ARSB: variants seen among roughly 807,000 people sequenced by gnomAD.
ARSB encodes N-acetylgalactosamine-4-sulfatase.
Under a neutral mutation model 50.9 loss-of-function variants are expected in ARSB, and 41 were observed. The observed-to-expected ratio is 0.81, with a 90% CI of 0.63 to 1.04. The LOEUF is 1.04. Among genes scored for constraint, ARSB ranks in the 50% least tolerant of loss-of-function variants. The pLI is 0.00. For synonymous variants in ARSB, 269 were observed against 284.8 expected (o/e 0.94, Z 0.56); for missense variants, 672 against 693.3 (o/e 0.97, Z 0.35).
At position 78,913,963 on chromosome 5, in the gene ARSB, AT is replaced by A. The variant is rs200423948; in HGVS notation, c.899-28137del. ...CCTCTTTATACCTTTCAATACCATG[AT>A]TTTTTTTTTTTTTTTTTAGACAAGA... On this transcript the variant is annotated intron_variant, in intron 4 of 7. Coordinates refer to ENST00000264914, the MANE Select transcript of ARSB (RefSeq NM_000046.5). Among the ~76,000 whole-genome samples the A allele has an allele frequency of 4.9e-3, 682 of 138,124 alleles. 1 individual carries two copies. Among genetic ancestry groups the A allele is most frequent in the Middle Eastern group, 0.015 (4 of 266 alleles). The allele number at this position is 138,124 out of a possible 152,430, so 90.6% of individuals were successfully genotyped here. A position where few individuals can be genotyped will look rare whatever the true frequency, so the allele number is the denominator to read the frequency against.
intron 4 of ARSB, among the ~76,000 whole-genome samples, chr5:78,946,444 C>T (rs546014804): frequency 3.0e-4 from 46 of 152,012 alleles, no homozygotes; most frequent in Non-Finnish European, 4.3e-4. Context: ...ATATAAAAAT[C>T]GGTAACATTT....
chr5:78,985,135 G>A lies in ARSB; in HGVS notation c.114C>T (p.Gly38=). 3 of 1,464,218 alleles carry A rather than the reference G, an allele frequency of 2.0e-6. No homozygotes were observed. Among genetic ancestry groups the A allele is most frequent in the African/African-American group, 1.5e-5 (1 of 68,634 alleles). The allele number at this position is 1,464,218 out of a possible 1,614,324, so 90.7% of individuals were successfully genotyped here. A position where few individuals can be genotyped will look rare whatever the true frequency, so the allele number is the denominator to read the frequency against. ...GGTGGGGCGGCCGGCTGGCCCCGGC[G>A]CCCGAGCCCGGCGGCGCCAACAACA... ...LLLLLAPPGS[G]AGASRPPHLV... is the part of the protein sequence containing the mutation. Residue 38 remains glycine, a synonymous_variant, in exon 1 of 8, where the codon GGC becomes GGT. Transcript: ENST00000264914.
At chr5:78,959,893 T>C (rs1462173735) in intron 3 of ARSB, among the ~76,000 whole-genome samples, 1 of 152,208 alleles carries the variant, frequency 6.6e-6, no homozygotes, top group Non-Finnish European at 1.5e-5. Flanking sequence ...GGACCCCACC[T>C]GCAGCCACTA....
chr5:78,834,652 A>G (rs1311831706), intron 6 of ARSB, among the ~76,000 whole-genome samples: 2 of 100,952 alleles, frequency 2.0e-5, no homozygotes, highest in African/African-American at 3.7e-5. Context: ...TATATGCCAC[A>G]TTTTGTTTAT....
At chr5:78,852,476 G>T (rs1040744677) in intron 5 of ARSB, among the ~76,000 whole-genome samples, 2 of 152,070 alleles carry the variant, frequency 1.3e-5, no homozygotes, top group East Asian at 3.8e-4. Context: ...CTTTCTCTCT[G>T]GCTGCCCTTA....
intron 4 of ARSB, among the ~76,000 whole-genome samples, chr5:78,906,947 C>T (rs1193434526): frequency 1.3e-5 from 2 of 152,144 alleles, no homozygotes; most frequent in Non-Finnish European, 2.9e-5. Context: ...ATTTGACACA[C>T]CTTAATTAAG....
intron 6 of ARSB, among the ~76,000 whole-genome samples, chr5:78,786,021 AT>A (rs1749071839): frequency 6.6e-6 from 1 of 152,200 alleles, no homozygotes; most frequent in Admixed American, 6.5e-5. Context: ...AAATTCACCC[AT>A]TTTTAGTGTA....
chr5:78,860,502 G>C (rs1428403748), intron 5 of ARSB, among the ~76,000 whole-genome samples: 2 of 148,534 alleles, frequency 1.3e-5, no homozygotes, highest in East Asian at 3.9e-4. Context: ...ACCTAATCCT[G>C]AAGGACTACT....
At chr5:78,823,450 G>A (rs1222775892) in intron 6 of ARSB, among the ~76,000 whole-genome samples, 1 of 152,138 alleles carries the variant, frequency 6.6e-6, no homozygotes, top group African/African-American at 2.4e-5. Flanking sequence ...GACTTTTTGG[G>A]GTTTGCCTAT....
chr5:78,931,100 C>T (rs1750304453), intron 4 of ARSB, among the ~76,000 whole-genome samples: 1 of 152,222 alleles, frequency 6.6e-6, no homozygotes, highest in Admixed American at 6.5e-5. Flanking sequence ...CTCTCGTTTT[C>T]TGGAGCGAAT....
rs570663997 is a variant in ARSB, at chr5:78,851,992, A to G, written c.1143-12566T>C. On this transcript the variant is annotated intron_variant, in intron 5 of 7. Coordinates refer to ENST00000264914, the MANE Select transcript of ARSB (RefSeq NM_000046.5). Reference sequence around the variant, plus strand: ...ATGGGTTTCCTGAATACAGCACACTAATGGGTCTTGACTCTTTATCCAATT... The same window carrying G: ...ATGGGTTTCCTGAATACAGCACACTGATGGGTCTTGACTCTTTATCCAATT... Among the ~76,000 whole-genome samples, 765 of 152,024 alleles carry G rather than the reference A, an allele frequency of 5.0e-3. 4 individuals are homozygous for G. Among genetic ancestry groups the G allele is most frequent in the African/African-American group, 0.011 (473 of 41,518 alleles).
chr5:78,908,057 A>C (rs546793071), intron 4 of ARSB, among the ~76,000 whole-genome samples: 1 of 152,272 alleles, frequency 6.6e-6, no homozygotes, highest in Admixed American at 6.5e-5. Context: ...TCTATTTCCA[A>C]TAATAGAAAT....
intron 6 of ARSB, among the ~76,000 whole-genome samples, chr5:78,834,009 T>G (rs1744813482): frequency 6.6e-6 from 1 of 152,176 alleles, no homozygotes; most frequent in African/African-American, 2.4e-5. Context: ...GGAGGTACTT[T>G]TAGGCTCAGG....
intron 4 of ARSB, among the ~76,000 whole-genome samples, chr5:78,946,003 G>C (rs77864339): frequency 2.2e-3 from 336 of 152,320 alleles, no homozygotes; most frequent in Non-Finnish European, 3.4e-3. Context: ...TACTTCACTA[G>C]AGTGTGAGTT....
chr5:78,815,957 C>A, intron 6 of ARSB: 1 of 1,546,440 alleles, frequency 6.5e-7, no homozygotes, highest in Non-Finnish European at 8.7e-7. Flanking sequence ...ATGCCAGGTT[C>A]CTAGTTCCCG....
intron 6 of ARSB, among the ~76,000 whole-genome samples, chr5:78,803,707 G>T (rs759928253): frequency 6.6e-6 from 1 of 152,254 alleles, no homozygotes; most frequent in Non-Finnish European, 1.5e-5. Context: ...CCAGCCCAGA[G>T]CCCTTGCAGA....
At chr5:78,937,925 T>C (rs73113990) in intron 4 of ARSB, among the ~76,000 whole-genome samples, 8,238 of 151,950 alleles carry the variant, frequency 0.054, 588 homozygotes, top group African/African-American at 0.16. Flanking sequence ...CACAGAGAAG[T>C]GAAAAACTCT....
intron 4 of ARSB, among the ~76,000 whole-genome samples, chr5:78,930,935 T>C (rs1300159700): frequency 6.6e-6 from 1 of 152,130 alleles, no homozygotes; most frequent in African/African-American, 2.4e-5. Flanking sequence ...AAGTCTCTGA[T>C]AAACTCCTGG....
intron 4 of ARSB, among the ~76,000 whole-genome samples, chr5:78,939,718 T>G (rs1376788685): frequency 6.6e-6 from 1 of 152,198 alleles, no homozygotes; most frequent in African/African-American, 2.4e-5. Flanking sequence ...TCTTTGCTAT[T>G]GTGAATAGTG....
Sources: gnomAD v4.1 joint callset for allele counts (sites outside exome capture counted in the v4.1 genomes callset) on GRCh38, gnomAD v4.1.1 for gene constraint, MANE v1.5 for transcripts, NCBI Gene and HGNC (gene_info 2026-07-23, HGNC 2026-07-21) for gene names.